ARHGAP6: variants seen among roughly 807,000 people sequenced by gnomAD.
ARHGAP6 encodes Rho GTPase activating protein 6.
Under a neutral mutation model 55.7 loss-of-function variants are expected in ARHGAP6, and 16 were observed. That is an observed-to-expected ratio of 0.29 (90% CI 0.19 to 0.44). The LOEUF is 0.44. ARHGAP6 is among the 20% of genes least tolerant of loss of function. The probability of loss-of-function intolerance (pLI) is 1.00; values close to 1 mark genes in which losing one functional copy is unlikely to be tolerated. For missense variants in ARHGAP6, 698 were observed against 808.9 expected (o/e 0.86, Z 1.66); for synonymous variants, 382 against 360.9 (o/e 1.06, Z -0.66).
rs770730560 is a variant in ARHGAP6 at position 11,173,380 on chromosome X, A to C, written c.1630-3696T>G. 6.3e-5 allele frequency among the ~76,000 whole-genome samples: 7 copies of C among 111,621 alleles called. No individual in the cohort carries two copies. In the Admixed American group the frequency reaches 6.6e-4, roughly 11 times the overall value. On this transcript the variant is annotated intron_variant, in intron 8 of 12. Transcript: ENST00000337414. The stretch of plus-strand genomic sequence containing the variant: ...TGTAACTTCTTTTTTTGCCTCATAG[A>C]CCCTTTGAGAACTCAATGCCAGCTA...
At chrX:11,185,234 G>C (rs139381184) in intron 5 of ARHGAP6, among the ~76,000 whole-genome samples, 115 of 109,413 alleles carry the variant, frequency 1.1e-3, no homozygotes, top group African/African-American at 3.0e-3. Context: ...TGATACACAG[G>C]CAAGTGAAAG....
intron 1 of ARHGAP6, among the ~76,000 whole-genome samples, chrX:11,486,337 T>C (rs368101686): frequency 8.9e-6 from 1 of 111,923 alleles, no homozygotes; most frequent in East Asian, 2.8e-4. Flanking sequence ...TCTGCATATG[T>C]AGAAACTTTA....
At chrX:11,414,749 T>C (rs1001943751) in intron 1 of ARHGAP6, among the ~76,000 whole-genome samples, 1 of 111,932 alleles carries the variant, frequency 8.9e-6, no homozygotes, top group African/African-American at 3.2e-5. Flanking sequence ...TCTGGTGTGT[T>C]TGGCCTAAAG....
intron 1 of ARHGAP6, among the ~76,000 whole-genome samples, chrX:11,495,860 C>G (rs1004655134): frequency 8.9e-6 from 1 of 112,736 alleles, no homozygotes; most frequent in East Asian, 2.8e-4. Flanking sequence ...CTGCTGTTGC[C>G]TTCTTGGCTT....
intron 1 of ARHGAP6, among the ~76,000 whole-genome samples, chrX:11,379,029 G>A (rs966505843): frequency 1.8e-5 from 2 of 112,338 alleles, no homozygotes; most frequent in Admixed American, 1.9e-4. Context: ...TCGGAAGCTG[G>A]AGAGTGGTTG....
intron 1 of ARHGAP6, among the ~76,000 whole-genome samples, chrX:11,520,874 T>A (rs2050916673): frequency 8.9e-6 from 1 of 112,185 alleles, no homozygotes; most frequent in South Asian, 3.7e-4. Context: ...TGAGATGGTA[T>A]CTCATTGCAG....
At chrX:11,387,694 C>G (rs945761089) in intron 1 of ARHGAP6, among the ~76,000 whole-genome samples, 1 of 110,997 alleles carries the variant, frequency 9.0e-6, no homozygotes, top group African/African-American at 3.3e-5. Context: ...CTAATGCTAT[C>G]CCTCCCCGCT....
intron 1 of ARHGAP6, among the ~76,000 whole-genome samples, chrX:11,624,988 T>A (rs1049542658): frequency 3.6e-5 from 4 of 112,193 alleles, no homozygotes; most frequent in African/African-American, 1.3e-4. Context: ...AAATGGCTTA[T>A]ATCCAAAAGA....
intron 3 of ARHGAP6, among the ~76,000 whole-genome samples, chrX:11,190,000 G>A (rs1019012052): frequency 8.9e-6 from 1 of 112,220 alleles, no homozygotes; most frequent in Non-Finnish European, 1.9e-5. Flanking sequence ...CCCTATGAAT[G>A]AAACTAAAAT....
chrX:11,278,946 G>A (rs940760873), intron 1 of ARHGAP6, among the ~76,000 whole-genome samples: 10 of 111,133 alleles, frequency 9.0e-5, no homozygotes, highest in African/African-American at 3.3e-4. Context: ...CAGAACCTGA[G>A]GCACAATGGG....
chrX:11,298,175 G>A, intron 1 of ARHGAP6: 1 of 1,207,751 alleles, frequency 8.3e-7, no homozygotes, highest in Non-Finnish European at 1.1e-6. Context: ...GCATCAGTGA[G>A]TTTCTATATT....
rs772139161 is a variant in ARHGAP6, at chrX:11,407,249, T to C, written c.589-152542A>G. On this transcript the variant is annotated intron_variant, in intron 1 of 12. Coordinates refer to ENST00000337414, the MANE Select transcript of ARHGAP6 (RefSeq NM_013427.3). The stretch of plus-strand genomic sequence containing the variant: ...ATGTAAGTGGAATCACAAGAGAATA[T>C]GTGATCTCTTGTGTCCAGCTCAAGA... Among the ~76,000 whole-genome samples, 3 of 111,944 alleles carry C rather than the reference T, an allele frequency of 2.7e-5. No homozygotes were observed. The South Asian group carries it at 1.1e-3, about 42-fold the overall frequency.
chrX:11,210,933 A>T (rs1263129916), intron 2 of ARHGAP6, among the ~76,000 whole-genome samples: 2 of 112,320 alleles, frequency 1.8e-5, no homozygotes, highest in Non-Finnish European at 3.8e-5. Flanking sequence ...CAATAGAACT[A>T]TTAAGTTACA....
chrX:11,417,461 T>G (rs2049767310), intron 1 of ARHGAP6, among the ~76,000 whole-genome samples: 2 of 109,705 alleles, frequency 1.8e-5, no homozygotes, highest in African/African-American at 6.7e-5. Context: ...TGCACAGAAC[T>G]GCACGCATAT....
At chrX:11,378,417 G>A (rs889313007) in intron 1 of ARHGAP6, among the ~76,000 whole-genome samples, 2 of 112,256 alleles carry the variant, frequency 1.8e-5, no homozygotes, top group Non-Finnish European at 3.8e-5. Context: ...AGTGTGATCA[G>A]GAGAGAAACA....
chrX:11,385,482 G>C (rs2049317758), intron 1 of ARHGAP6, among the ~76,000 whole-genome samples: 1 of 111,360 alleles, frequency 9.0e-6, no homozygotes. Flanking sequence ...ATCAAACTTT[G>C]GTATTAATAC....
At chrX:11,345,603 A>G (rs1027433365) in intron 1 of ARHGAP6, among the ~76,000 whole-genome samples, 2 of 112,044 alleles carry the variant, frequency 1.8e-5, no homozygotes, top group African/African-American at 6.5e-5. Flanking sequence ...TCTTGGTGCC[A>G]GGTGACTATG....
At chrX:11,267,881 T>G (rs1167064509) in intron 1 of ARHGAP6, among the ~76,000 whole-genome samples, 1 of 112,155 alleles carries the variant, frequency 8.9e-6, no homozygotes, top group Non-Finnish European at 1.9e-5. Flanking sequence ...AAGATTTAAA[T>G]AACAACTCTT....
At chrX:11,653,695 T>C (rs1458871629) in intron 1 of ARHGAP6, among the ~76,000 whole-genome samples, 1 of 112,110 alleles carries the variant, frequency 8.9e-6, no homozygotes, top group East Asian at 2.8e-4. Context: ...CATTCTCATT[T>C]GATAGATGAA....
Sources: gnomAD v4.1 joint callset for allele counts (sites outside exome capture counted in the v4.1 genomes callset) on GRCh38, gnomAD v4.1.1 for gene constraint, MANE v1.5 for transcripts, NCBI Gene and HGNC (gene_info 2026-07-23, HGNC 2026-07-21) for gene names.